The following NUP214 variants were observed in gnomAD, a reference collection of about 807,000 sequenced individuals.
NUP214 encodes nuclear pore complex protein Nup214.
NUP214 carries 79 observed loss-of-function variants against 196.2 expected under a neutral mutation model. That is an observed-to-expected ratio of 0.40 (90% CI 0.34 to 0.49). The LOEUF is 0.49. Ranked by LOEUF, NUP214 falls within the 20% of genes least tolerant of loss-of-function variation. The pLI, the probability that NUP214 is intolerant of heterozygous loss-of-function variation, is 0.58. For missense variants in NUP214, 2,468 were observed against 2,539.0 expected (o/e 0.97, Z 0.60); for synonymous variants, 1,020 against 990.5 (o/e 1.03, Z -0.56).
At chr9:131,196,062 C>A (rs1420646954) in intron 28 of NUP214, among the ~76,000 whole-genome samples, 4 of 139,142 alleles carry the variant, frequency 2.9e-5, no homozygotes, top group Admixed American at 7.5e-5. Flanking sequence ...CCATCAATAG[C>A]ATGTTTTTAA....
chr9:131,226,287 A>T (rs1834721563), intron 32 of NUP214, among the ~76,000 whole-genome samples: 1 of 152,234 alleles, frequency 6.6e-6, no homozygotes, highest in Admixed American at 6.5e-5. Context: ...GAAGAAATTT[A>T]TGAAAATACG....
chr9:131,192,870 G>A (rs1445633879), intron 27 of NUP214, among the ~76,000 whole-genome samples: 1 of 133,808 alleles, frequency 7.5e-6, no homozygotes, highest in East Asian at 2.5e-4. Context: ...GAGCCCGGGA[G>A]TTCGAGGTTA....
Position 131,150,694 on chromosome 9 carries a change from G to A in NUP214, c.2206G>A (p.Glu736Lys), listed in dbSNP as rs1225906558. 1 of 1,614,218 alleles carries A rather than the reference G, an allele frequency of 6.2e-7. No homozygotes were observed. Among genetic ancestry groups the A allele is most frequent in the Non-Finnish European group, 8.5e-7 (1 of 1,180,032 alleles). The part of the protein sequence containing the change: ...KACFQVGTSE[E>K]MKMLRTESDD... ...CTGTTTCCAAGTGGGCACTTCTGAG[G>A]AGATGAAGATGCTGCGAACAGAATC... The change falls in exon 16 of 36, where the codon GAG (glutamate) becomes AAG (lysine). Residue 736 changes from glutamate (E) to lysine (K), a missense_variant. Transcript: ENST00000359428.
chr9:131,223,056 G>A, intron 32 of NUP214, 126 bp downstream of exon 32: 2 of 749,642 alleles, frequency 2.7e-6, no homozygotes, highest in Non-Finnish European at 4.0e-6. Context: ...GAAGTTAACT[G>A]TTTCCTCCGC....
At position 131,128,538 on chromosome 9, in the gene NUP214, G is replaced by T. The variant is rs1413733656; in HGVS notation, c.393+55G>T. ...ATGAGAACCCTAAGCAGATTTCCTT[G>T]TATTGAATTACAACTTGGAAGCTTC... On this transcript the variant is annotated intron_variant, in intron 3 of 35. Transcript: ENST00000359428. 7 of 1,462,452 alleles carry T rather than the reference G, an allele frequency of 4.8e-6. No homozygotes were observed. The South Asian group carries it at 9.6e-5, about 20-fold the overall frequency. The allele number at this position is 1,462,452 out of a possible 1,614,324, so 90.6% of individuals were successfully genotyped here.
In NUP214 at chr9:131,130,137, G is replaced by GTTTTGTTTTTTTTTTTTT. The variant is rs1564176236; in HGVS notation, c.593-625_593-624insGTTTTTTTTTTTTTTTTT. ...GAGCAGGAGAATGATTTCTGGTTTT[G>GTTTTGTTTTTTTTTTTTT]TTTTTTTTTTTTTGTTTTTTTTTTG... On this transcript the variant is annotated intron_variant, in intron 4 of 35. Transcript: ENST00000359428. Among the ~76,000 whole-genome samples the GTTTTGTTTTTTTTTTTTT allele has an allele frequency of 1.0e-4, 8 of 76,928 alleles. 1 individual carries two copies. The highest frequency in any genetic ancestry group is 1.5e-4 in the African/African-American group (3 of 19,974). 50.5% of individuals were successfully genotyped at this position (76,928 alleles called of 152,430 possible).
chr9:131,151,958 T>G (rs1278875290), intron 17 of NUP214, 64 bp downstream of exon 17: 12 of 1,292,034 alleles, frequency 9.3e-6, no homozygotes, highest in Non-Finnish European at 1.1e-5. Context: ...AATTGCTACC[T>G]CTTTTTGCAT....
At chr9:131,182,081 A>G (rs1328501478) in intron 24 of NUP214, among the ~76,000 whole-genome samples, 1 of 152,144 alleles carries the variant, frequency 6.6e-6, no homozygotes, top group East Asian at 1.9e-4. Context: ...TTTTATTTCA[A>G]CTTATTTTGT....
intron 12 of NUP214, among the ~76,000 whole-genome samples, 175 bp downstream of exon 12, chr9:131,144,929 A>G (rs913187): frequency 0.96 from 146,195 of 152,164 alleles, 70,535 homozygotes; most frequent in East Asian, 1. Context: ...TTCATCAGTG[A>G]ATAGAGTCCA....
At chr9:131,171,555 T>C (rs1039820525) in intron 21 of NUP214, among the ~76,000 whole-genome samples, 1 of 151,650 alleles carries the variant, frequency 6.6e-6, no homozygotes, top group Admixed American at 6.6e-5. Flanking sequence ...TTCTTTTTTT[T>C]TTTTTTTTTT....
At chr9:131,202,616 G>T (rs1217679365) in intron 30 of NUP214, among the ~76,000 whole-genome samples, 1 of 150,876 alleles carries the variant, frequency 6.6e-6, no homozygotes, top group African/African-American at 2.4e-5. Context: ...TGTGTTTTTG[G>T]TTGAGACGGG....
intron 14 of NUP214, among the ~76,000 whole-genome samples, chr9:131,149,288 C>T (rs1014133894): frequency 7.1e-6 from 1 of 140,580 alleles, no homozygotes; most frequent in Non-Finnish European, 1.6e-5. Flanking sequence ...TAAGACCTCT[C>T]TAGTGTTAAT....
chr9:131,156,201 C>T (rs112466034), intron 17 of NUP214, among the ~76,000 whole-genome samples: 7,411 of 142,712 alleles, frequency 0.052, 297 homozygotes, highest in East Asian at 0.19. Context: ...GGCACGATCT[C>T]GGCTCACTGC....
At chr9:131,162,772 C>T (rs950489022) in intron 18 of NUP214, 1 of 549,288 alleles carries the variant, frequency 1.8e-6, no homozygotes, top group Non-Finnish European at 3.2e-6. Flanking sequence ...ACAGGACTGG[C>T]CTGCCTGTTT....
At chr9:131,149,146 C>A (rs183396154) in intron 14 of NUP214, among the ~76,000 whole-genome samples, 25 of 132,156 alleles carry the variant, frequency 1.9e-4, no homozygotes, top group African/African-American at 6.9e-4. Context: ...CTCTAACCAA[C>A]CCTTGTACCC....
chr9:131,188,245 A>ATGTCTAGCT (rs1564200705), intron 25 of NUP214, among the ~76,000 whole-genome samples: 2 of 152,224 alleles, frequency 1.3e-5, no homozygotes, highest in African/African-American at 4.8e-5. Flanking sequence ...TAGTGATGTT[A>ATGTCTAGCT]TGTCTAGCTT....
At chr9:131,158,821 T>C (rs1832537712) in intron 17 of NUP214, among the ~76,000 whole-genome samples, 5 of 152,142 alleles carry the variant, frequency 3.3e-5, no homozygotes, top group Admixed American at 3.3e-4. Context: ...GTACCACCTC[T>C]CTGCCACCTC....
intron 3 of NUP214, 174 bp downstream of exon 3, chr9:131,128,657 C>A: frequency 3.8e-6 from 2 of 528,442 alleles, no homozygotes; most frequent in Non-Finnish European, 6.2e-6. Context: ...ACAGAAGGGA[C>A]TTCAAGAAAT....
intron 13 of NUP214, 148 bp from the exon 14 acceptor site, chr9:131,147,342 G>A: frequency 1.6e-6 from 1 of 633,964 alleles, no homozygotes; most frequent in Non-Finnish European, 2.8e-6. Context: ...TAGCACAACT[G>A]GTGGTCATCA....
Sources: allele counts gnomAD v4.1 joint callset (sites outside exome capture counted in the v4.1 genomes callset), GRCh38; gene constraint gnomAD v4.1.1; transcripts MANE v1.5; gene names NCBI Gene and HGNC (gene_info 2026-07-23, HGNC 2026-07-21).